The following AKR1B15 variants were observed in gnomAD, a reference collection of about 807,000 sequenced individuals.
The protein encoded by AKR1B15 is estradiol 17-beta-dehydrogenase AKR1B15.
AKR1B15 carries 49 observed loss-of-function variants against 38.5 expected under a neutral mutation model. The ratio of observed to expected loss-of-function variants is 1.27; its 90% CI spans 1.01 to 1.62. The LOEUF (loss-of-function observed/expected upper bound fraction) is 1.62, where lower values mean the gene tolerates loss of function less well. AKR1B15 is among the 40% of genes most tolerant of loss of function. AKR1B15 has a pLI of 0.00. For synonymous variants in AKR1B15, 137 were observed against 135.5 expected (o/e 1.01, Z -0.08); for missense variants, 411 against 381.6 (o/e 1.08, Z -0.64).
At chr7:134,560,598 G>A (rs1163453918) in intron 2 of AKR1B15, among the ~76,000 whole-genome samples, 6 of 152,170 alleles carry the variant, frequency 3.9e-5, no homozygotes, top group African/African-American at 1.4e-4. Flanking sequence ...GGTTCTAGAA[G>A]GAATATTTTT....
chr7:134,577,897 A>G (rs1794800182), intron 11 of AKR1B15, 111 bp downstream of exon 11: 12 of 1,254,756 alleles, frequency 9.6e-6, no homozygotes, highest in African/African-American at 1.5e-5. Flanking sequence ...TTCAAATACT[A>G]TTTTGGGGCA....
chr7:134,571,959 T>C (rs1346088779), intron 6 of AKR1B15, among the ~76,000 whole-genome samples: 1 of 152,308 alleles, frequency 6.6e-6, no homozygotes, highest in East Asian at 1.9e-4. Flanking sequence ...GTGAGGCATT[T>C]GGAACAGAGG....
chr7:134,578,911 T>C (rs969745014), intron 11 of AKR1B15, among the ~76,000 whole-genome samples: 1 of 152,236 alleles, frequency 6.6e-6, no homozygotes, highest in African/African-American at 2.4e-5. Context: ...TACTTTCCTA[T>C]GAGCATCATT....
Position 134,577,047 on chromosome 7 carries a change from G to T in AKR1B15, c.909+1G>T, listed in dbSNP as rs1794780972. ...AGCACACATTGTTGAGAACATTCAG[G>T]TAAGTTTCCGGCTGGTCGGGCCTGG... is the stretch of plus-strand genomic sequence containing the variant. On this transcript the variant is annotated splice_donor_variant, in intron 10 of 11. Coordinates refer to ENST00000457545, the MANE Select transcript of AKR1B15 (RefSeq NM_001080538.3). LOFTEE classifies it high-confidence loss of function. 1 of 1,613,140 alleles carries T rather than the reference G, an allele frequency of 6.2e-7. No homozygotes were observed. The highest frequency in any genetic ancestry group is 1.3e-5 in the African/African-American group (1 of 75,006).
chr7:134,568,705 G>A (rs2117656231), intron 4 of AKR1B15, among the ~76,000 whole-genome samples: 1 of 152,162 alleles, frequency 6.6e-6, no homozygotes, highest in East Asian at 1.9e-4. Context: ...CTCAGCCAGG[G>A]GGTATTTTGG....
Position 134,569,443 on chromosome 7 carries a change from G to C in AKR1B15, c.349G>C (p.Val117Leu). The change falls in exon 5 of 12, where the codon GTG becomes CTG. Residue 117 changes from valine (V) to leucine (L), a missense_variant. Transcript: ENST00000457545. ...VWPTFFERPLVRKAFEKTLKD... is the reference protein window; with the variant it reads ...VWPTFFERPLLRKAFEKTLKD... ...GCCCACTTTCTTTGAGAGACCCCTTGTGAGGAAAGCCTTTGAGAAGACCCT... is the reference window on the plus strand; with the variant it reads ...GCCCACTTTCTTTGAGAGACCCCTTCTGAGGAAAGCCTTTGAGAAGACCCT... 1 of 1,614,068 alleles carries C rather than the reference G, an allele frequency of 6.2e-7. No homozygotes were observed.
At chr7:134,575,013 A>T (rs543222875) in intron 6 of AKR1B15, among the ~76,000 whole-genome samples, 1 of 152,386 alleles carries the variant, frequency 6.6e-6, no homozygotes, top group East Asian at 1.9e-4. Flanking sequence ...CAATGTACAC[A>T]CACAACAGTA....
chr7:134,564,624 T>C lies in AKR1B15; in HGVS notation c.5T>C (p.Val2Ala). 1 of 697,544 alleles carries C rather than the reference T, an allele frequency of 1.4e-6. No homozygotes were observed. The highest frequency in any genetic ancestry group is 2.6e-6 in the Non-Finnish European group (1 of 383,342). The allele number at this position is 697,544 out of a possible 1,614,324, so 43.2% of individuals were successfully genotyped here. A position where few individuals can be genotyped will look rare whatever the true frequency, so the allele number is the denominator to read the frequency against. Residue 2 changes from valine (V) to alanine (A), a missense_variant, in exon 3 of 12, where the codon GTC becomes GCC. Val to Ala is a moderately conservative substitution (Grantham distance 64). This residue lies in a region of AKR1B15 where 254 missense variants were observed against 212.4 expected (regional missense o/e 1.20). Transcript: ENST00000457545. ...ATCGAGGCCATCAAGCTACAGATGG[T>C]CTTACAAATGGAACCCCAAGTGAAC... is the stretch of plus-strand genomic sequence containing the variant. M[V>A]LQMEPQVNST...
At chr7:134,558,576 G>A (rs932939831) in intron 2 of AKR1B15, among the ~76,000 whole-genome samples, 1 of 152,144 alleles carries the variant, frequency 6.6e-6, no homozygotes, top group African/African-American at 2.4e-5. Flanking sequence ...TAGAGTGGAT[G>A]AATCAGACTC....
chr7:134,560,065 G>A (rs1303974798), intron 2 of AKR1B15, among the ~76,000 whole-genome samples: 1 of 151,812 alleles, frequency 6.6e-6, no homozygotes, highest in Non-Finnish European at 1.5e-5. Context: ...CTGAGATTGG[G>A]CAACTGCACT....
At chr7:134,561,606 T>C (rs1181279559) in intron 2 of AKR1B15, among the ~76,000 whole-genome samples, 1 of 152,206 alleles carries the variant, frequency 6.6e-6, no homozygotes, top group Non-Finnish European at 1.5e-5. Context: ...CCAATTGCCT[T>C]CTATGAGCTG....
chr7:134,562,164 G>A (rs1794413906), intron 2 of AKR1B15, among the ~76,000 whole-genome samples: 1 of 152,094 alleles, frequency 6.6e-6, no homozygotes, highest in Non-Finnish European at 1.5e-5. Context: ...TCCTTCCAGT[G>A]GTTTTGTGGT....
chr7:134,562,771 G>C (rs77932382), intron 2 of AKR1B15, among the ~76,000 whole-genome samples: 10,788 of 151,828 alleles, frequency 0.071, 642 homozygotes, highest in East Asian at 0.31. Context: ...TGTTGGCCAG[G>C]CTTCTTTCTT....
intron 2 of AKR1B15, among the ~76,000 whole-genome samples, chr7:134,557,524 C>A (rs200671853): frequency 2.0e-5 from 3 of 152,130 alleles, no homozygotes; most frequent in East Asian, 3.9e-4. Flanking sequence ...TCCAAGAATG[C>A]GCTTACTGAT....
intron 5 of AKR1B15, among the ~76,000 whole-genome samples, chr7:134,571,161 T>TGGTCA (rs1794659639): frequency 2.6e-5 from 4 of 152,338 alleles, no homozygotes; most frequent in South Asian, 4.1e-4. Context: ...CCTGACCAGC[T>TGGTCA]GGAGTGATGA....
intron 2 of AKR1B15, among the ~76,000 whole-genome samples, chr7:134,562,880 T>TTCTTTCTTTCTTTCTTTC (rs1491286177): frequency 1.4e-5 from 2 of 139,322 alleles, no homozygotes; most frequent in Non-Finnish European, 3.1e-5. Context: ...CTTTCTTTCT[T>TTCTTTCTTTCTTTCTTTC]TCTTTCTTTC....
intron 4 of AKR1B15, among the ~76,000 whole-genome samples, chr7:134,569,067 T>A (rs145866396): frequency 1.5e-3 from 229 of 152,318 alleles, no homozygotes; most frequent in African/African-American, 5.4e-3. Flanking sequence ...ATGCTTGACA[T>A]TTAAAAGCTA....
chr7:134,571,383 C>G (rs1794663756), intron 5 of AKR1B15, among the ~76,000 whole-genome samples: 1 of 152,194 alleles, frequency 6.6e-6, no homozygotes, highest in Non-Finnish European at 1.5e-5. Flanking sequence ...AACAGAGGAT[C>G]TTAAAGTCAA....
chr7:134,566,696 G>A (rs1273283213), intron 3 of AKR1B15, among the ~76,000 whole-genome samples: 1 of 152,042 alleles, frequency 6.6e-6, no homozygotes, highest in Non-Finnish European at 1.5e-5. Context: ...TCTGCCTCTG[G>A]CTCTCTTTCC....
Sources: allele counts gnomAD v4.1 joint callset (sites outside exome capture counted in the v4.1 genomes callset), GRCh38; gene constraint gnomAD v4.1.1; regional missense constraint gnomAD v4.1.1; transcripts MANE v1.5; gene names NCBI Gene and HGNC (gene_info 2026-07-23, HGNC 2026-07-21).